The following PTPN9 variants were observed in gnomAD, a reference collection of about 807,000 sequenced individuals.
PTPN9 encodes tyrosine-protein phosphatase non-receptor type 9.
PTPN9 carries 26 observed loss-of-function variants against 69.8 expected under a neutral mutation model. That is an observed-to-expected ratio of 0.37 (90% CI 0.27 to 0.52). The LOEUF is 0.52. Ranked by LOEUF, PTPN9 falls within the 20% of genes least tolerant of loss-of-function variation. The pLI, the probability that PTPN9 is intolerant of heterozygous loss-of-function variation, is 0.91. For missense variants in PTPN9, 549 were observed against 740.3 expected, an observed-to-expected ratio of 0.74 and a Z score of 3.00; for synonymous variants, 274 against 272.5, an observed-to-expected ratio of 1.01 and a Z score of -0.05.
intron 2 of PTPN9, among the ~76,000 whole-genome samples, 159 bp downstream of exon 2, chr15:75,526,959 C>T (rs1201578104): frequency 6.6e-6 from 1 of 152,168 alleles, no homozygotes; most frequent in Non-Finnish European, 1.5e-5. Context: ...AGCTGCCTTG[C>T]CCAGCTTCAG....
intron 1 of PTPN9, among the ~76,000 whole-genome samples, chr15:75,549,856 C>G (rs1018548943): frequency 2.6e-5 from 4 of 152,010 alleles, no homozygotes; most frequent in African/African-American, 9.7e-5. Context: ...TGCCTATAGT[C>G]CCAGCTACTC....
intron 8 of PTPN9, among the ~76,000 whole-genome samples, chr15:75,489,539 T>G (rs1005060660): frequency 4.6e-5 from 7 of 151,924 alleles, no homozygotes; most frequent in Admixed American, 1.3e-4. Context: ...CAGTGAGCTG[T>G]GATCACTGTA....
chr15:75,529,690 ATT>A (rs1219134800), intron 1 of PTPN9, among the ~76,000 whole-genome samples: 1 of 152,132 alleles, frequency 6.6e-6, no homozygotes, highest in Non-Finnish European at 1.5e-5. Flanking sequence ...CGGGTGGATC[ATT>A]TGAGGTCAGG....
At chr15:75,573,209 G>A (rs1393833935) in intron 1 of PTPN9, among the ~76,000 whole-genome samples, 2 of 152,180 alleles carry the variant, frequency 1.3e-5, no homozygotes, top group East Asian at 1.9e-4. Flanking sequence ...CCTTCTCTCA[G>A]TCTGAGTTTT....
At chr15:75,563,193 T>C (rs1011198425) in intron 1 of PTPN9, among the ~76,000 whole-genome samples, 2 of 152,130 alleles carry the variant, frequency 1.3e-5, no homozygotes, top group African/African-American at 4.8e-5. Context: ...GCATTTTTTT[T>C]CTCTTTTCTT....
chr15:75,492,585 C>T (rs1180871138), intron 7 of PTPN9, among the ~76,000 whole-genome samples: 5 of 152,188 alleles, frequency 3.3e-5, no homozygotes, highest in Non-Finnish European at 5.9e-5. Context: ...ATCCAAAGGA[C>T]AGGAGAACTC....
chr15:75,536,117 T>C (rs753971259), intron 1 of PTPN9, among the ~76,000 whole-genome samples: 3 of 152,050 alleles, frequency 2.0e-5, no homozygotes, highest in Non-Finnish European at 4.4e-5. Flanking sequence ...ATAACAAAAA[T>C]TTGCAAAAAG....
chr15:75,495,110 G>C (rs747373405), intron 7 of PTPN9, among the ~76,000 whole-genome samples: 4 of 152,104 alleles, frequency 2.6e-5, no homozygotes, highest in South Asian at 2.1e-4. Flanking sequence ...GAAAGGCATT[G>C]CCTTAAAAAT....
chr15:75,525,638 C>T (rs1229004958), intron 2 of PTPN9, among the ~76,000 whole-genome samples: 1 of 151,524 alleles, frequency 6.6e-6, no homozygotes, highest in Admixed American at 6.6e-5. Context: ...ACCTCTTAGG[C>T]TGGGCACGGT....
chr15:75,526,664 T>C (rs1343799586), intron 2 of PTPN9, among the ~76,000 whole-genome samples: 6 of 152,206 alleles, frequency 3.9e-5, no homozygotes, highest in African/African-American at 1.4e-4. Context: ...ACCTAGCTAA[T>C]ACACAGTTGC....
rs1383601489 is a variant in PTPN9 at position 75,470,783 on chromosome 15, T to C, written c.1256A>G (p.Glu419Gly). The change falls in exon 11 of 13, where the codon GAA (glutamate) becomes GGA (glycine). Residue 419 changes from glutamate to glycine, a missense_variant. By Grantham distance (98) the Glu-to-Gly change is moderately conservative. Coordinates refer to ENST00000618819, the MANE Select transcript of PTPN9 (RefSeq NM_002833.4). ...GCCAAATCGGATCCGAGAGTCTTTT[T>C]CTAAAGGCCAGTACTGGCCACACTT... Reference protein sequence around the residue: ...RRKCGQYWPLEKDSRIRFGFL... With the variant: ...RRKCGQYWPLGKDSRIRFGFL... The C allele has an allele frequency of 2.3e-5, 37 of 1,614,254 alleles. No individual in the cohort carries two copies. The highest frequency in any genetic ancestry group is 3.1e-5 in the Non-Finnish European group (37 of 1,180,038).
intron 7 of PTPN9, among the ~76,000 whole-genome samples, chr15:75,496,999 A>G (rs2074746434): frequency 6.6e-6 from 1 of 152,338 alleles, no homozygotes; most frequent in East Asian, 1.9e-4. Flanking sequence ...GAAAGCAAAG[A>G]AATTACAAAG....
At chr15:75,556,749 G>GT (rs2075079522) in intron 1 of PTPN9, among the ~76,000 whole-genome samples, 1 of 152,154 alleles carries the variant, frequency 6.6e-6, no homozygotes, top group Admixed American at 6.6e-5. Flanking sequence ...ATGCAATTCA[G>GT]TTGCATTAAA....
At chr15:75,574,139 T>C (rs1272182425) in intron 1 of PTPN9, among the ~76,000 whole-genome samples, 2 of 151,914 alleles carry the variant, frequency 1.3e-5, no homozygotes, top group Non-Finnish European at 2.9e-5. Context: ...TGCAATTTGA[T>C]CTCAAGAGCA....
At chr15:75,532,427 T>C (rs1004243724) in intron 1 of PTPN9, among the ~76,000 whole-genome samples, 3 of 152,084 alleles carry the variant, frequency 2.0e-5, no homozygotes, top group Non-Finnish European at 2.9e-5. Flanking sequence ...TAACTTTTCA[T>C]TTTTCATAAA....
At chr15:75,570,207 T>C (rs1400164653) in intron 1 of PTPN9, 1 of 152,154 alleles carries the variant, frequency 6.6e-6, no homozygotes, top group Non-Finnish European at 1.5e-5. Flanking sequence ...TCAGCAATAA[T>C]GAAAATAATA....
intron 1 of PTPN9, among the ~76,000 whole-genome samples, chr15:75,569,996 T>A (rs2075142260): frequency 6.6e-6 from 1 of 151,968 alleles, no homozygotes; most frequent in South Asian, 2.1e-4. Context: ...AATTTTTGTA[T>A]CTTTACTAGA....
In PTPN9 at chr15:75,464,600, G is replaced by A. The variant is rs375841248; in HGVS notation, c.*4169C>T. Reference sequence around the variant, plus strand: ...CCTAGGACTTGGGTTTGGTTCAGTGGTAAGACCTCAAAACCACAAAAGAGC... The same window carrying A: ...CCTAGGACTTGGGTTTGGTTCAGTGATAAGACCTCAAAACCACAAAAGAGC... On this transcript the variant is annotated 3_prime_UTR_variant, in exon 13 of 13. Transcript: ENST00000618819. The A allele has an allele frequency of 1.1e-4, 17 of 152,206 alleles. No individual in the cohort carries two copies. The highest frequency in any genetic ancestry group is 4.1e-4 in the African/African-American group (17 of 41,522). 9.4% of individuals were successfully genotyped at this position (152,206 alleles called of 1,614,324 possible). A position where few individuals can be genotyped will look rare whatever the true frequency, so the allele number is the denominator to read the frequency against.
intron 1 of PTPN9, among the ~76,000 whole-genome samples, chr15:75,557,775 T>A (rs969246645): frequency 6.6e-5 from 10 of 152,048 alleles, no homozygotes; most frequent in Non-Finnish European, 1.5e-5. Context: ...ACATGAGAGG[T>A]TCTGACTATT....
Sources: gnomAD v4.1 joint callset for allele counts (sites outside exome capture counted in the v4.1 genomes callset) on GRCh38, gnomAD v4.1.1 for gene constraint, MANE v1.5 for transcripts, NCBI Gene and HGNC (gene_info 2026-07-23, HGNC 2026-07-21) for gene names.